UXS1: variants seen among roughly 807,000 people sequenced by gnomAD.
UXS1 encodes the protein UDP-glucuronic acid decarboxylase 1.
UXS1 carries 33 observed loss-of-function variants against 62.6 expected under a neutral mutation model. The ratio of observed to expected loss-of-function variants is 0.53; its 90% confidence interval spans 0.40 to 0.70. The LOEUF (loss-of-function observed/expected upper bound fraction) is 0.70, where lower values mean the gene tolerates loss of function less well. Among genes scored for constraint, UXS1 ranks in the 30% least tolerant of loss-of-function variants. The pLI is 0.00. For missense variants in UXS1, 434 were observed against 556.3 expected, an observed-to-expected ratio of 0.78 and a Z score of 2.21; for synonymous variants, 213 against 206.8, an observed-to-expected ratio of 1.03 and a Z score of -0.26.
intron 2 of UXS1, among the ~76,000 whole-genome samples, chr2:106,165,303 C>T (rs1009592303): frequency 2.6e-5 from 4 of 152,154 alleles, no homozygotes; most frequent in Non-Finnish European, 5.9e-5. Context: ...CCTTGCAAAA[C>T]CCAACTCCAC....
At chr2:106,114,137 G>A (rs901626948) in intron 9 of UXS1, among the ~76,000 whole-genome samples, 33 of 152,230 alleles carry the variant, frequency 2.2e-4, no homozygotes, top group Non-Finnish European at 8.8e-5. Context: ...CGCCACCTCG[G>A]CCCACAGCAG....
chr2:106,141,728 C>T (rs1020780050), intron 6 of UXS1, among the ~76,000 whole-genome samples: 5 of 152,030 alleles, frequency 3.3e-5, no homozygotes, highest in Non-Finnish European at 4.4e-5. Context: ...GGATTACAGA[C>T]ATGATCCACT....
rs372135740 is a variant in UXS1 at position 106,127,963 on chromosome 2, G to A, written c.577+1711C>T. ...CTAGGTATCATCGACGCTTGTGCCCGTTCAGCAGCCCCCAACCCCCATAGG... is the reference window on the plus strand; with the variant it reads ...CTAGGTATCATCGACGCTTGTGCCCATTCAGCAGCCCCCAACCCCCATAGG... On this transcript the variant is annotated intron_variant, in intron 7 of 14. Transcript: ENST00000283148. Among the ~76,000 whole-genome samples the A allele has an allele frequency of 1.2e-4, 19 of 152,240 alleles. 1 individual carries two copies. The highest frequency in any genetic ancestry group is 3.4e-3 in the Middle Eastern group (1 of 294).
At chr2:106,158,239 T>C (rs1276044090) in intron 4 of UXS1, 121 bp from the exon 5 acceptor site, 1 of 828,142 alleles carries the variant, frequency 1.2e-6, no homozygotes, top group African/African-American at 1.7e-5. Context: ...TTCTCTCCAC[T>C]CTTGAATGAG....
In UXS1 at chr2:106,101,197, G is replaced by A; in HGVS notation, c.924-79C>T. 5 of 1,456,272 alleles carry A rather than the reference G, an allele frequency of 3.4e-6. No individual in the cohort carries two copies. The South Asian group carries it at 4.1e-5, about 12-fold the overall frequency. The allele number at this position is 1,456,272 out of a possible 1,614,324, so 90.2% of individuals were successfully genotyped here. On this transcript the variant is annotated intron_variant, in intron 11 of 14. Transcript: ENST00000283148. ...CACGCACCACATAGAAGCCCTCCCA[G>A]AAGAAAAATTACCACCCCCAGGAGA...
At chr2:106,172,761 C>T (rs938884021) in intron 1 of UXS1, among the ~76,000 whole-genome samples, 10 of 152,230 alleles carry the variant, frequency 6.6e-5, no homozygotes, top group African/African-American at 2.4e-4. Flanking sequence ...GACCTCTACC[C>T]TAAGGGATCT....
intron 9 of UXS1, among the ~76,000 whole-genome samples, chr2:106,115,146 G>A (rs1395046991): frequency 6.6e-6 from 1 of 152,200 alleles, no homozygotes. Context: ...TGGCAGTTCA[G>A]TTGCCACCCA....
At chr2:106,114,020 A>T (rs78256203) in intron 9 of UXS1, among the ~76,000 whole-genome samples, 2,170 of 152,318 alleles carry the variant, frequency 0.014, 34 homozygotes, top group South Asian at 0.028. Context: ...CTTAGCTAAC[A>T]AGGCTTACTT....
At chr2:106,164,346 T>C (rs1249777720) in intron 3 of UXS1, among the ~76,000 whole-genome samples, 2 of 152,242 alleles carry the variant, frequency 1.3e-5, no homozygotes, top group Admixed American at 6.5e-5. Context: ...GCTGGGTGGG[T>C]GTGCAACGTC....
At chr2:106,160,823 TA>T (rs1243404782) in intron 4 of UXS1, among the ~76,000 whole-genome samples, 1 of 152,184 alleles carries the variant, frequency 6.6e-6, no homozygotes, top group East Asian at 1.9e-4. Flanking sequence ...ACCTTTAATT[TA>T]AAAAACGAAA....
intron 1 of UXS1, among the ~76,000 whole-genome samples, chr2:106,191,667 T>G (rs1684944133): frequency 1.3e-5 from 2 of 152,210 alleles, no homozygotes; most frequent in Admixed American, 1.3e-4. Context: ...ACCATCCTTC[T>G]TTGCATTCCT....
At chr2:106,095,402 C>T (rs546440246) in intron 14 of UXS1, among the ~76,000 whole-genome samples, 36 of 152,310 alleles carry the variant, frequency 2.4e-4, no homozygotes, top group African/African-American at 8.7e-4. Flanking sequence ...TAGCAGATTA[C>T]GTAGACTTGT....
intron 6 of UXS1, 21 bp from the exon 7 acceptor site, chr2:106,129,799 G>T: frequency 6.5e-7 from 1 of 1,540,530 alleles, no homozygotes; most frequent in Non-Finnish European, 8.8e-7. Context: ...CAAAACAGAA[G>T]CCTATTACTT....
intron 5 of UXS1, among the ~76,000 whole-genome samples, chr2:106,157,170 T>C (rs910285020): frequency 6.6e-6 from 1 of 152,098 alleles, no homozygotes; most frequent in East Asian, 1.9e-4. Context: ...CAATTGGATG[T>C]GGTAATGGTT....
Position 106,137,158 on chromosome 2 carries a change from C to T in UXS1, c.473-7380G>A, listed in dbSNP as rs116048387. On this transcript the variant is annotated intron_variant, in intron 6 of 14. Coordinates refer to ENST00000283148, the MANE Select transcript of UXS1 (RefSeq NM_001253875.2). ...TCTGTCCAAGTAAAAGGAAATCCTG[C>T]GACTGCTGTTCCCACCCCCACAAGT... is the stretch of plus-strand genomic sequence containing the variant. 7.4e-4 allele frequency among the ~76,000 whole-genome samples: 112 copies of T among 152,192 alleles called. 1 individual carries two copies. Among genetic ancestry groups the T allele is most frequent in the African/African-American group, 2.7e-3 (112 of 41,532 alleles).
chr2:106,143,440 G>GAAAA (rs1681308474), intron 6 of UXS1, among the ~76,000 whole-genome samples: 5 of 46,262 alleles, frequency 1.1e-4, no homozygotes, highest in African/African-American at 3.8e-4. Flanking sequence ...AAAAAAAAAG[G>GAAAA]TATAATTTGG....
In UXS1 at chr2:106,093,722, A is replaced by AT; in HGVS notation, c.*303_*304insA. The AT allele has an allele frequency of 3.8e-6, 1 of 262,742 alleles. No homozygotes were observed. Among genetic ancestry groups the AT allele is most frequent in the Non-Finnish European group, 7.1e-6 (1 of 141,198 alleles). 16.3% of individuals were successfully genotyped at this position (262,742 alleles called of 1,614,324 possible). On this transcript the variant is annotated 3_prime_UTR_variant, in exon 15 of 15. Transcript: ENST00000283148. ...AGCTTCACAAAGAAACCAGTAAATA[A>AT]AACTGTCAACGACAGTCACAACATA...
chr2:106,131,261 A>G (rs1395550885), intron 6 of UXS1, among the ~76,000 whole-genome samples: 2 of 148,034 alleles, frequency 1.4e-5, no homozygotes, highest in Non-Finnish European at 3.0e-5. Flanking sequence ...TCCTACGCCC[A>G]TGGAATCTCG....
At chr2:106,129,345 T>C (rs1023005456) in intron 7 of UXS1, among the ~76,000 whole-genome samples, 2 of 152,160 alleles carry the variant, frequency 1.3e-5, no homozygotes, top group Non-Finnish European at 2.9e-5. Flanking sequence ...CATCAACTGG[T>C]TTCAGAGGAG....
Sources: gnomAD v4.1 joint callset for allele counts (sites outside exome capture counted in the v4.1 genomes callset) on GRCh38, gnomAD v4.1.1 for gene constraint, MANE v1.5 for transcripts, NCBI Gene and HGNC (gene_info 2026-07-23, HGNC 2026-07-21) for gene names.